The following AGBL1 variants were observed in gnomAD, a reference collection of about 807,000 sequenced individuals.
The protein encoded by AGBL1 is cytosolic carboxypeptidase 4.
AGBL1 carries 130 observed loss-of-function variants against 118.9 expected under a neutral mutation model. The ratio of observed to expected loss-of-function variants is 1.09; its 90% CI spans 0.95 to 1.26. The LOEUF (loss-of-function observed/expected upper bound fraction) is 1.26, where lower values mean the gene tolerates loss of function less well. AGBL1 is among the 50% of genes most tolerant of loss of function. The pLI is 0.00. For missense variants in AGBL1, 1,584 were observed against 1,298.1 expected, an observed-to-expected ratio of 1.22 and a Z score of -3.38; for synonymous variants, 555 against 478.9, an observed-to-expected ratio of 1.16 and a Z score of -2.08.
intron 22 of AGBL1, among the ~76,000 whole-genome samples, chr15:86,813,209 G>GT (rs397695058): frequency 2.5e-4 from 38 of 151,742 alleles, no homozygotes; most frequent in Admixed American, 1.7e-3. Flanking sequence ...GGGTTGGGGG[G>GT]GCCTCAGGGG....
chr15:86,113,439 C>G (rs985190147), intron 1 of AGBL1, among the ~76,000 whole-genome samples: 1 of 151,760 alleles, frequency 6.6e-6, no homozygotes, highest in Non-Finnish European at 1.5e-5. Flanking sequence ...AGGTGCCCAC[C>G]ACCATGCCCG....
At chr15:86,997,625 T>C (rs1049834803) in intron 24 of AGBL1, among the ~76,000 whole-genome samples, 2 of 152,122 alleles carry the variant, frequency 1.3e-5, no homozygotes, top group Admixed American at 6.6e-5. Context: ...CTAGAGTCTA[T>C]GATTTTATGA....
intron 21 of AGBL1, among the ~76,000 whole-genome samples, chr15:86,662,185 G>T (rs916885442): frequency 6.6e-6 from 1 of 152,194 alleles, no homozygotes; most frequent in Non-Finnish European, 1.5e-5. Flanking sequence ...ATGTAAATGT[G>T]CATACACACA....
At chr15:86,845,870 T>C (rs1222284573) in intron 22 of AGBL1, among the ~76,000 whole-genome samples, 1 of 152,182 alleles carries the variant, frequency 6.6e-6, no homozygotes, top group Non-Finnish European at 1.5e-5. Flanking sequence ...CTCATAAATA[T>C]GTATATCTTT....
At chr15:86,883,388 C>T (rs1042367301) in intron 22 of AGBL1, among the ~76,000 whole-genome samples, 7 of 152,232 alleles carry the variant, frequency 4.6e-5, no homozygotes, top group African/African-American at 9.6e-5. Context: ...CACCAGCATT[C>T]GCTGTGCACA....
At chr15:86,637,792 T>C (rs2085121728) in intron 21 of AGBL1, among the ~76,000 whole-genome samples, 1 of 152,136 alleles carries the variant, frequency 6.6e-6, no homozygotes, top group Non-Finnish European at 1.5e-5. Context: ...CACCAGACTG[T>C]TTGCTTTTAT....
chr15:86,249,452 C>G (rs150923053), intron 7 of AGBL1, among the ~76,000 whole-genome samples: 1 of 152,196 alleles, frequency 6.6e-6, no homozygotes, highest in Non-Finnish European at 1.5e-5. Flanking sequence ...ATCTAACTCC[C>G]TATCTGCTAT....
At chr15:86,283,224 C>T (rs1369438365) in intron 16 of AGBL1, among the ~76,000 whole-genome samples, 1 of 152,068 alleles carries the variant, frequency 6.6e-6, no homozygotes, top group South Asian at 2.1e-4. Flanking sequence ...TAAATAGCCC[C>T]TAGGTAGCCA....
At chr15:86,294,647 C>T (rs976814696) in intron 16 of AGBL1, among the ~76,000 whole-genome samples, 4 of 152,078 alleles carry the variant, frequency 2.6e-5, no homozygotes, top group African/African-American at 4.8e-5. Context: ...TTTTCTGTCT[C>T]ATTTTCCCCA....
chr15:86,082,407 G>C (rs977540241), intron 1 of AGBL1, among the ~76,000 whole-genome samples: 18 of 152,296 alleles, frequency 1.2e-4, no homozygotes, highest in Admixed American at 1.1e-3. Context: ...CAAACCTTTG[G>C]GGAAAGCAGT....
chr15:86,389,419 C>G (rs911580118), intron 17 of AGBL1, among the ~76,000 whole-genome samples: 1 of 151,986 alleles, frequency 6.6e-6, no homozygotes, highest in Non-Finnish European at 1.5e-5. Context: ...ATTTTATGCC[C>G]AGCAAAAATA....
chr15:86,126,606 T>C (rs756271855), intron 1 of AGBL1, among the ~76,000 whole-genome samples: 3 of 152,244 alleles, frequency 2.0e-5, no homozygotes, highest in Non-Finnish European at 4.4e-5. Context: ...TATACTCTTA[T>C]CCATACTTAT....
chr15:86,502,405 C>T lies in AGBL1; in HGVS notation c.2556-20405C>T, dbSNP rs181994780. ...AAAGATAGTATTACTTTTTCCTTTC[C>T]TATCTGGATGCTTTTAATTTCATTT... On this transcript the variant is annotated intron_variant, in intron 18 of 22. Coordinates refer to ENST00000614907, the MANE Select transcript of AGBL1 (RefSeq NM_001386094.1). 1.3e-3 allele frequency among the ~76,000 whole-genome samples: 203 copies of T among 151,392 alleles called. 2 individuals are homozygous for T. The highest frequency in any genetic ancestry group is 4.7e-3 in the African/African-American group (195 of 41,434).
At chr15:86,731,310 G>A (rs1037484184) in intron 22 of AGBL1, among the ~76,000 whole-genome samples, 2 of 152,104 alleles carry the variant, frequency 1.3e-5, no homozygotes, top group African/African-American at 4.8e-5. Flanking sequence ...TAACTTCATG[G>A]GGGACACAGT....
chr15:86,638,068 CGGG>C (rs1357949793), intron 21 of AGBL1, among the ~76,000 whole-genome samples: 1 of 152,068 alleles, frequency 6.6e-6, no homozygotes, highest in Non-Finnish European at 1.5e-5. Flanking sequence ...CTTCATACTT[CGGG>C]ACTACTTCTC....
intron 18 of AGBL1, among the ~76,000 whole-genome samples, chr15:86,506,761 C>T (rs2082982314): frequency 6.6e-6 from 1 of 152,016 alleles, no homozygotes; most frequent in African/African-American, 2.4e-5. Context: ...GGAGAGGTAG[C>T]ATCTTGAGTC....
chr15:86,975,076 C>T (rs2081159957), intron 23 of AGBL1, among the ~76,000 whole-genome samples: 1 of 152,058 alleles, frequency 6.6e-6, no homozygotes, highest in East Asian at 1.9e-4. Context: ...GTAATCCTCC[C>T]CTCAACTTTC....
chr15:87,027,443 T>C (rs1019088457), intron 24 of AGBL1, among the ~76,000 whole-genome samples: 2 of 137,208 alleles, frequency 1.5e-5, no homozygotes, highest in Admixed American at 7.6e-5. Flanking sequence ...ATATAAATAA[T>C]TCTATTATAT....
At chr15:86,266,722 G>A (rs1457070451) in intron 12 of AGBL1, among the ~76,000 whole-genome samples, 2 of 152,178 alleles carry the variant, frequency 1.3e-5, no homozygotes, top group African/African-American at 4.8e-5. Flanking sequence ...CTAACATGGT[G>A]AAACTCTGTC....
Sources: gnomAD v4.1 joint callset for allele counts (sites outside exome capture counted in the v4.1 genomes callset) on GRCh38, gnomAD v4.1.1 for gene constraint, MANE v1.5 for transcripts, NCBI Gene and HGNC (gene_info 2026-07-23, HGNC 2026-07-21) for gene names.